The following PTH2R variants were observed in gnomAD, a reference collection of about 807,000 sequenced individuals.
The protein encoded by PTH2R is PTH2 receptor.
PTH2R carries 59 observed loss-of-function variants against 60.3 expected under a neutral mutation model. The observed-to-expected ratio is 0.98, with a 90% CI of 0.79 to 1.22. PTH2R has a LOEUF of 1.22. PTH2R is among the 50% of genes most tolerant of loss of function. The pLI, the probability that PTH2R is intolerant of heterozygous loss-of-function variation, is 0.00. For synonymous variants in PTH2R, 256 were observed against 243.8 expected, an observed-to-expected ratio of 1.05 and a Z score of -0.47; for missense variants, 749 against 682.6, an observed-to-expected ratio of 1.10 and a Z score of -1.08.
intron 8 of PTH2R, among the ~76,000 whole-genome samples, chr2:208,452,708 A>C (rs887729996): frequency 6.6e-6 from 1 of 152,204 alleles, no homozygotes; most frequent in African/African-American, 2.4e-5. Flanking sequence ...TGTTGGAGGA[A>C]AGTAATAATG....
rs537086906 is a variant in PTH2R at position 208,377,974 on chromosome 2, G to C, written c.-259+17737G>C. On this transcript the variant is annotated intron_variant, in intron 1 of 12. Coordinates refer to the PTH2R transcript ENST00000617735. ...CTCCTCACTTCCCAGACGGGGTGGC[G>C]GCCAGGCAGAGGCTGCAATCTCGGC... Among the ~76,000 whole-genome samples, 595 of 152,152 alleles carry C rather than the reference G, an allele frequency of 3.9e-3. 5 individuals carry two copies. The highest frequency in any genetic ancestry group is 0.013 in the African/African-American group (553 of 41,440).
At chr2:208,422,362 T>C (rs1194693283) in intron 1 of PTH2R, among the ~76,000 whole-genome samples, 3 of 152,204 alleles carry the variant, frequency 2.0e-5, no homozygotes, top group Non-Finnish European at 4.4e-5. Context: ...TCGAAGTTGC[T>C]ACATGAAATT....
At chr2:208,453,650 T>G (rs1702452806) in intron 8 of PTH2R, among the ~76,000 whole-genome samples, 1 of 152,192 alleles carries the variant, frequency 6.6e-6, no homozygotes, top group Non-Finnish European at 1.5e-5. Flanking sequence ...CCATATCTAT[T>G]AAGCAATGAT....
chr2:208,469,985 A>G (rs1702845877), intron 9 of PTH2R: 1 of 152,256 alleles, frequency 6.6e-6, no homozygotes, highest in African/African-American at 2.4e-5. Context: ...ATTTTGACCA[A>G]GCTGGGGCAC....
chr2:208,370,215 G>A (rs1052038393), intron 1 of PTH2R, among the ~76,000 whole-genome samples: 20 of 151,876 alleles, frequency 1.3e-4, no homozygotes, highest in Non-Finnish European at 2.1e-4. Flanking sequence ...AGGCCGAAGC[G>A]GGCGGATCAT....
intron 4 of PTH2R, among the ~76,000 whole-genome samples, chr2:208,441,549 C>A (rs1396893040): frequency 6.6e-6 from 1 of 152,162 alleles, no homozygotes; most frequent in Non-Finnish European, 1.5e-5. Flanking sequence ...CATTTCTACA[C>A]CATTGTCCAA....
At chr2:208,374,093 G>A (rs1292501140) in intron 1 of PTH2R, among the ~76,000 whole-genome samples, 1 of 151,074 alleles carries the variant, frequency 6.6e-6, no homozygotes, top group African/African-American at 2.4e-5. Context: ...TAAGTGGGAG[G>A]GTCTTTTTTG....
At chr2:208,382,625 C>G (rs11689562) in intron 1 of PTH2R, among the ~76,000 whole-genome samples, 1 of 152,158 alleles carries the variant, frequency 6.6e-6, no homozygotes, top group Non-Finnish European at 1.5e-5. Context: ...CTGATCCTCC[C>G]TACTCCTCAC....
At chr2:208,388,086 G>T (rs1289086588) in intron 1 of PTH2R, among the ~76,000 whole-genome samples, 1 of 150,560 alleles carries the variant, frequency 6.6e-6, no homozygotes, top group African/African-American at 2.4e-5. Flanking sequence ...GAGGTGGGCG[G>T]ATCACGAGGT....
At chr2:208,413,860 G>A (rs551255785) in intron 1 of PTH2R, among the ~76,000 whole-genome samples, 5 of 152,206 alleles carry the variant, frequency 3.3e-5, no homozygotes. Flanking sequence ...TGCAGACTAA[G>A]AGTATTTAAG....
chr2:208,407,709 CAATG>C (rs1701446306), intron 1 of PTH2R, among the ~76,000 whole-genome samples: 1 of 152,024 alleles, frequency 6.6e-6, no homozygotes, highest in African/African-American at 2.4e-5. Flanking sequence ...CGATCTTTCA[CAATG>C]AAGCCTCTTT....
intron 1 of PTH2R, among the ~76,000 whole-genome samples, chr2:208,377,637 G>T (rs1700825551): frequency 6.6e-6 from 1 of 151,324 alleles, no homozygotes; most frequent in Admixed American, 6.6e-5. Context: ...CTGGGCAGAG[G>T]GGCTCCTCAC....
At chr2:208,388,925 A>ATT (rs1701056803) in intron 1 of PTH2R, among the ~76,000 whole-genome samples, 1 of 152,186 alleles carries the variant, frequency 6.6e-6, no homozygotes, top group Admixed American at 6.5e-5. Flanking sequence ...GTAAGCACTT[A>ATT]TGGATGTAAG....
At position 208,481,160 on chromosome 2, in the gene PTH2R, T is replaced by G; in HGVS notation, c.1072T>G (p.Tyr358Asp). The G allele has an allele frequency of 6.3e-7, 1 of 1,598,444 alleles. No homozygotes were observed. The highest frequency in any genetic ancestry group is 8.6e-7 in the Non-Finnish European group (1 of 1,167,838). ...NAVGHDTRKQ[Y>D]RKLAKSTLVL... Reference sequence around the variant, plus strand: ...AGTTGGGCATGACACAAGGAAGCAATACAGGTAATTTCAGGAGAGGCATCC... The same window carrying G: ...AGTTGGGCATGACACAAGGAAGCAAGACAGGTAATTTCAGGAGAGGCATCC... The change falls in exon 10 of 13, where the codon TAC (tyrosine) becomes GAC (aspartate). Residue 358 changes from tyrosine (Y) to aspartate (D), a missense_variant. By Grantham distance (160) the Tyr-to-Asp change is radical (BLOSUM62 -3). Transcript: ENST00000272847.
rs368729400 is a variant in PTH2R at position 208,362,509 on chromosome 2, T to G, written c.-259+2272T>G. On this transcript the variant is annotated intron_variant, in intron 1 of 12. Transcript: ENST00000617735. ...CATCTAATATAGATGTCTCATGATA[T>G]CTATATAGATATATCTATATCATAG... Among the ~76,000 whole-genome samples the G allele has an allele frequency of 5.9e-5, 9 of 152,340 alleles. No individual in the cohort carries two copies. In the South Asian group the frequency reaches 1.4e-3, roughly 25 times the overall value.
At chr2:208,471,554 G>C (rs1012179945) in intron 9 of PTH2R, among the ~76,000 whole-genome samples, 3 of 152,232 alleles carry the variant, frequency 2.0e-5, no homozygotes, top group Non-Finnish European at 4.4e-5. Context: ...GTCAAAAATT[G>C]AGGTTTGGAA....
intron 1 of PTH2R, among the ~76,000 whole-genome samples, chr2:208,422,469 A>G (rs1341879191): frequency 1.3e-5 from 2 of 152,218 alleles, no homozygotes; most frequent in Non-Finnish European, 2.9e-5. Flanking sequence ...AAATGTTATA[A>G]TATCTTTCCA....
intron 1 of PTH2R, among the ~76,000 whole-genome samples, chr2:208,369,909 C>T (rs1170617131): frequency 6.6e-6 from 1 of 152,014 alleles, no homozygotes; most frequent in Admixed American, 6.5e-5. Flanking sequence ...CAAAGCCTGG[C>T]AATGTACGAT....
At chr2:208,430,093 T>A (rs13000248) in intron 2 of PTH2R, among the ~76,000 whole-genome samples, 18,703 of 152,206 alleles carry the variant, frequency 0.12, 1,272 homozygotes, top group African/African-American at 0.18. Flanking sequence ...ATGGAAGATA[T>A]GTATTATATT....
Sources: allele counts gnomAD v4.1 joint callset (sites outside exome capture counted in the v4.1 genomes callset), GRCh38; gene constraint gnomAD v4.1.1; transcripts MANE v1.5; gene names NCBI Gene and HGNC (gene_info 2026-07-23, HGNC 2026-07-21).